SPTBN1: variants seen among roughly 807,000 people sequenced by gnomAD.
SPTBN1 encodes the protein spectrin beta chain, non-erythrocytic 1.
Under a neutral mutation model 266.4 loss-of-function variants are expected in SPTBN1, and 32 were observed. That is an observed-to-expected ratio of 0.12 (90% confidence interval 0.09 to 0.16). The LOEUF (loss-of-function observed/expected upper bound fraction) is 0.16, where lower values mean the gene tolerates loss of function less well. SPTBN1 is among the 10% of genes least tolerant of loss of function. The probability of loss-of-function intolerance (pLI) is 1.00; values close to 1 mark genes in which losing one functional copy is unlikely to be tolerated. For synonymous variants in SPTBN1, 1,336 were observed against 1,162.2 expected, an observed-to-expected ratio of 1.15 and a Z score of -3.04; for missense variants, 2,296 against 3,067.1, an observed-to-expected ratio of 0.75 and a Z score of 5.94.
At position 54,645,584 on chromosome 2, in the gene SPTBN1, C is replaced by CTGGA; in HGVS notation, c.4494+135_4494+138dup. 1.1e-6 allele frequency: 1 copy of CTGGA among 898,064 alleles called. No individual in the cohort carries two copies. The highest frequency in any genetic ancestry group is 3.4e-4 in the Middle Eastern group (1 of 2,916). The allele number at this position is 898,064 out of a possible 1,614,324, so 55.6% of individuals were successfully genotyped here. ...AAGCTGAGCTGCCAAAGTCCACGCT[C>CTGGA]TGGATGGTCTAAAGTTTCTTTCCCT... On this transcript the variant is annotated intron_variant, in intron 21 of 35. Coordinates refer to ENST00000356805, the MANE Select transcript of SPTBN1 (RefSeq NM_003128.3). The surrounding 1 kb of genome is among the most constrained non-coding windows in gnomAD (Gnocchi z 4.3).
chr2:54,524,702 C>T (rs1238739595), intron 1 of SPTBN1, among the ~76,000 whole-genome samples: 1 of 152,246 alleles, frequency 6.6e-6, no homozygotes, highest in Admixed American at 6.5e-5. Flanking sequence ...TTGCTTCCCG[C>T]CACACTTGGG....
At chr2:54,633,701 C>G (rs920927985) in intron 17 of SPTBN1, among the ~76,000 whole-genome samples, 7 of 152,198 alleles carry the variant, frequency 4.6e-5, no homozygotes, top group Non-Finnish European at 1.0e-4. Context: ...CTTTCTGCCT[C>G]TCTTCTGGCC....
At chr2:54,508,891 T>C (rs1193027864) in intron 1 of SPTBN1, among the ~76,000 whole-genome samples, 1 of 152,220 alleles carries the variant, frequency 6.6e-6, no homozygotes, top group Non-Finnish European at 1.5e-5. Flanking sequence ...AGAGGCATTA[T>C]TGATGGAGGA....
chr2:54,519,987 G>A (rs974833022), intron 1 of SPTBN1, among the ~76,000 whole-genome samples: 7 of 152,158 alleles, frequency 4.6e-5, no homozygotes, highest in African/African-American at 1.4e-4. Flanking sequence ...GGGGCTGTGA[G>A]TTCGGTGTTC....
chr2:54,513,022 G>T (rs1459637005), intron 1 of SPTBN1, among the ~76,000 whole-genome samples: 1 of 152,106 alleles, frequency 6.6e-6, no homozygotes, highest in Non-Finnish European at 1.5e-5. Context: ...CGAAACCCTG[G>T]CTCTACAGAA....
At position 54,622,652 on chromosome 2, in the gene SPTBN1, G is replaced by C. The variant is rs148112847; in HGVS notation, c.1064+165G>C. On this transcript the variant is annotated intron_variant, in intron 9 of 35. Coordinates refer to ENST00000356805, the MANE Select transcript of SPTBN1 (RefSeq NM_003128.3). ...CTCTGTTTTGCTGAGATTTATGATA[G>C]ATCATGCTCTCTCTGAGCCCTTCCC... 5.9e-4 allele frequency among the ~76,000 whole-genome samples: 90 copies of C among 152,276 alleles called. 1 individual carries two copies. The highest frequency in any genetic ancestry group is 1.7e-3 in the African/African-American group (71 of 41,550).
In SPTBN1 at chr2:54,628,085, T is replaced by G. The variant is rs1318267218; in HGVS notation, c.1645-12T>G. 4 of 1,599,402 alleles carry G rather than the reference T, an allele frequency of 2.5e-6. No homozygotes were observed. The highest frequency in any genetic ancestry group is 2.7e-5 in the African/African-American group (2 of 74,260). Reference sequence around the variant, plus strand: ...AGTCACAGATGTCCTTTTGGTTGCTTCTTGTGCACAGGTGCTAGTATTGTC... The same window carrying G: ...AGTCACAGATGTCCTTTTGGTTGCTGCTTGTGCACAGGTGCTAGTATTGTC... On this transcript the variant is annotated splice_polypyrimidine_tract_variant and intron_variant, in intron 12 of 35. Transcript: ENST00000356805. The surrounding 1 kb of genome is among the most constrained non-coding windows in gnomAD (Gnocchi z 4.3).
intron 2 of SPTBN1, among the ~76,000 whole-genome samples, chr2:54,585,303 G>A (rs1348422434): frequency 3.3e-5 from 5 of 152,186 alleles, no homozygotes. Flanking sequence ...TGTGTTCTAT[G>A]AACTGTCAAC....
At position 54,565,371 on chromosome 2, in the gene SPTBN1, C is replaced by A. The variant is rs537398004; in HGVS notation, c.149-33721C>A. On this transcript the variant is annotated intron_variant, in intron 2 of 35. Coordinates refer to ENST00000356805, the MANE Select transcript of SPTBN1 (RefSeq NM_003128.3). Reference sequence around the variant, plus strand: ...GAAACAGTGGGAAAAACATTAGCTACTCAGGAATGGACTCTGTCCTGCTTA... The same window carrying A: ...GAAACAGTGGGAAAAACATTAGCTAATCAGGAATGGACTCTGTCCTGCTTA... 3.2e-4 allele frequency among the ~76,000 whole-genome samples: 49 copies of A among 152,304 alleles called. No homozygotes were observed. The East Asian group carries it at 9.1e-3, about 28-fold the overall frequency.
intron 2 of SPTBN1, among the ~76,000 whole-genome samples, chr2:54,563,350 C>CT (rs1363355376): frequency 1.3e-5 from 2 of 152,122 alleles, no homozygotes; most frequent in Non-Finnish European, 2.9e-5. Flanking sequence ...CGCATCTGAT[C>CT]TTTCTGGAGA....
chr2:54,657,892 A>G lies in SPTBN1; in HGVS notation c.6089A>G (p.Glu2030Gly). 1 of 1,614,252 alleles carries G rather than the reference A, an allele frequency of 6.2e-7. No individual in the cohort carries two copies. Residue 2030 changes from glutamate to glycine, a missense_variant, in exon 30 of 36, where the codon GAG (glutamate) becomes GGG (glycine). By Grantham distance (98) the Glu-to-Gly change is moderately conservative. Around this residue, in one of 12 missense-constraint regions of SPTBN1, gnomAD observed 644 missense variants for 745.3 expected, o/e 0.86. Coordinates refer to ENST00000356805, the MANE Select transcript of SPTBN1 (RefSeq NM_003128.3). Reference sequence around the variant, plus strand: ...TTCTCAAGAGACGCCAGTGTGGCCGAGGCCTGGCTGCTTGGACAGGAGCCG... The same window carrying G: ...TTCTCAAGAGACGCCAGTGTGGCCGGGGCCTGGCTGCTTGGACAGGAGCCG... ...HQFSRDASVA[E>G]AWLLGQEPYL...
intron 16 of SPTBN1, among the ~76,000 whole-genome samples, chr2:54,632,010 A>C (rs1392002777): frequency 1.3e-5 from 2 of 151,672 alleles, no homozygotes; most frequent in African/African-American, 4.8e-5. Flanking sequence ...CCAGCAGGTC[A>C]AGGGTGAAGT....
chr2:54,617,080 G>T (rs1291034067), intron 5 of SPTBN1, among the ~76,000 whole-genome samples: 1 of 152,186 alleles, frequency 6.6e-6, no homozygotes, highest in East Asian at 1.9e-4. Flanking sequence ...ATATGGTATA[G>T]AATAGCTGAT....
intron 3 of SPTBN1, among the ~76,000 whole-genome samples, chr2:54,611,195 C>T (rs1414360540): frequency 6.6e-6 from 1 of 151,968 alleles, no homozygotes; most frequent in African/African-American, 2.4e-5. Context: ...CATGACATAC[C>T]TTTTTCTTAA....
chr2:54,609,980 C>A (rs1677102139), intron 3 of SPTBN1, among the ~76,000 whole-genome samples: 1 of 151,112 alleles, frequency 6.6e-6, no homozygotes, highest in South Asian at 2.1e-4. Context: ...TCCCTTTATG[C>A]CTTAAGTCCT....
intron 1 of SPTBN1, among the ~76,000 whole-genome samples, chr2:54,525,169 T>A (rs974957846): frequency 1.3e-5 from 2 of 152,184 alleles, no homozygotes; most frequent in Non-Finnish European, 2.9e-5. Flanking sequence ...AGCTTATCAG[T>A]TCAGGATAAA....
At position 54,645,573 on chromosome 2, in the gene SPTBN1, A is replaced by G. The variant is rs566374045; in HGVS notation, c.4494+120A>G. On this transcript the variant is annotated intron_variant, in intron 21 of 35. Coordinates refer to ENST00000356805, the MANE Select transcript of SPTBN1 (RefSeq NM_003128.3). This position sits in a 1 kb window ranked among gnomAD's most constrained non-coding sequence, Gnocchi z 4.3. The stretch of plus-strand genomic sequence containing the variant: ...GCCACGTTGGCAAGCTGAGCTGCCA[A>G]AGTCCACGCTCTGGATGGTCTAAAG... 2 of 1,007,126 alleles carry G rather than the reference A, an allele frequency of 2.0e-6. No homozygotes were observed. The highest frequency in any genetic ancestry group is 2.3e-5 in the Admixed American group (1 of 43,152). 62.4% of individuals were successfully genotyped at this position (1,007,126 alleles called of 1,614,324 possible).
At chr2:54,630,151 G>T in intron 15 of SPTBN1, 122 bp downstream of exon 15, 5 of 1,305,940 alleles carry the variant, frequency 3.8e-6, no homozygotes, top group Non-Finnish European at 5.2e-6. Flanking sequence ...CAACACTGAT[G>T]TCATGGCATT....
intron 2 of SPTBN1, among the ~76,000 whole-genome samples, chr2:54,538,804 C>G (rs557508592): frequency 1.3e-5 from 2 of 152,188 alleles, no homozygotes; most frequent in Non-Finnish European, 2.9e-5. Context: ...GTGAAGTCGC[C>G]TTATTAGTCA....
Sources: gnomAD v4.1 joint callset for allele counts (sites outside exome capture counted in the v4.1 genomes callset) on GRCh38, gnomAD v4.1.1 for gene constraint, gnomAD v4.1.1 regional missense constraint, Gnocchi (gnomAD v3.1) non-coding constraint, MANE v1.5 for transcripts, NCBI Gene and HGNC (gene_info 2026-07-23, HGNC 2026-07-21) for gene names.